The following ADAMTSL3 variants were observed in gnomAD, a reference collection of about 807,000 sequenced individuals.
ADAMTSL3 encodes the protein ADAMTS-like protein 3.
A neutral mutation model predicts 201.7 loss-of-function variants in ADAMTSL3; 128 were observed. That is an observed-to-expected ratio of 0.63 (90% confidence interval 0.55 to 0.73). The LOEUF is 0.73. ADAMTSL3 is among the 30% of genes least tolerant of loss of function. The pLI, the probability that ADAMTSL3 is intolerant of heterozygous loss-of-function variation, is 0.00. For synonymous variants in ADAMTSL3, 738 were observed against 748.4 expected, an observed-to-expected ratio of 0.99 and a Z score of 0.23; for missense variants, 1,990 against 2,119.6, an observed-to-expected ratio of 0.94 and a Z score of 1.20.
rs144731081 is a variant in ADAMTSL3 at position 83,676,534 on chromosome 15, C to T, written c.69+20704C>T. Among the ~76,000 whole-genome samples the T allele has an allele frequency of 9.9e-3, 1,502 of 152,112 alleles. 8 individuals carry two copies. Among genetic ancestry groups the T allele is most frequent in the Non-Finnish European group, 0.012 (782 of 67,998 alleles). ...TCTGCTAAAAATACAAAAAATTAGC[C>T]GGGCTTGGTGGTGGGCGCCTGTAGT... On this transcript the variant is annotated intron_variant, in intron 2 of 29. Coordinates refer to ENST00000286744, the MANE Select transcript of ADAMTSL3 (RefSeq NM_207517.3).
At chr15:83,709,636 A>G (rs551043690) in intron 3 of ADAMTSL3, among the ~76,000 whole-genome samples, 1 of 152,230 alleles carries the variant, frequency 6.6e-6, no homozygotes, top group South Asian at 2.1e-4. Flanking sequence ...CCTTGCTTCA[A>G]CTCACTGAAG....
Position 83,983,611 on chromosome 15 carries a change from C to A in ADAMTSL3, c.3716+267C>A, listed in dbSNP as rs566393224. Among the ~76,000 whole-genome samples, 369 of 152,312 alleles carry A rather than the reference C, an allele frequency of 2.4e-3. 1 individual carries two copies. The highest frequency in any genetic ancestry group is 8.4e-3 in the African/African-American group (350 of 41,566). On this transcript the variant is annotated intron_variant, in intron 21 of 29. Coordinates refer to ENST00000286744, the MANE Select transcript of ADAMTSL3 (RefSeq NM_207517.3). The stretch of plus-strand genomic sequence containing the variant: ...AAGTTTAAGCATATATACACTCCCC[C>A]TTTACTCAGCACTTGGCATTTAAAA...
At chr15:84,018,809 A>G (rs2068138027) in intron 25 of ADAMTSL3, among the ~76,000 whole-genome samples, 1 of 152,192 alleles carries the variant, frequency 6.6e-6, no homozygotes, top group South Asian at 2.1e-4. Flanking sequence ...GAGGAGTCTT[A>G]TATGGTAGTG....
chr15:83,921,498 C>T (rs2066142143), intron 16 of ADAMTSL3, among the ~76,000 whole-genome samples: 1 of 152,106 alleles, frequency 6.6e-6, no homozygotes, highest in African/African-American at 2.4e-5. Context: ...TCCTGGTATT[C>T]TTACACTATG....
intron 17 of ADAMTSL3, among the ~76,000 whole-genome samples, chr15:83,926,290 G>A (rs1288784219): frequency 6.6e-6 from 1 of 152,182 alleles, no homozygotes; most frequent in African/African-American, 2.4e-5. Context: ...AAGGAAATCA[G>A]TGTGTCATCA....
chr15:83,892,109 G>A (rs1004385964), intron 12 of ADAMTSL3, among the ~76,000 whole-genome samples: 2 of 152,036 alleles, frequency 1.3e-5, no homozygotes, highest in Admixed American at 6.6e-5. Flanking sequence ...CCAGCTACTT[G>A]AGAGGCTGAA....
At chr15:83,797,054 G>T (rs1240423624) in intron 4 of ADAMTSL3, among the ~76,000 whole-genome samples, 1 of 151,904 alleles carries the variant, frequency 6.6e-6, no homozygotes, top group African/African-American at 2.4e-5. Flanking sequence ...ATAAATTCAA[G>T]CACAATAAAA....
intron 6 of ADAMTSL3, among the ~76,000 whole-genome samples, chr15:83,833,641 T>G (rs1036288922): frequency 2.0e-5 from 3 of 152,210 alleles, no homozygotes; most frequent in Admixed American, 2.0e-4. Context: ...CTTTTTATAT[T>G]GGTACAAGTG....
At chr15:83,854,710 T>TA (rs1244977557) in intron 7 of ADAMTSL3, among the ~76,000 whole-genome samples, 1 of 152,248 alleles carries the variant, frequency 6.6e-6, no homozygotes, top group African/African-American at 2.4e-5. Flanking sequence ...TTTCTAATTC[T>TA]ATCATTCCTT....
intron 8 of ADAMTSL3, among the ~76,000 whole-genome samples, chr15:83,861,158 C>T (rs1304363959): frequency 1.3e-5 from 2 of 151,780 alleles, no homozygotes; most frequent in African/African-American, 2.4e-5. Context: ...TCTGTAGACT[C>T]CACCTACTCC....
At chr15:83,902,051 A>T (rs1686154575) in intron 15 of ADAMTSL3, among the ~76,000 whole-genome samples, 1 of 152,120 alleles carries the variant, frequency 6.6e-6, no homozygotes, top group African/African-American at 2.4e-5. Context: ...TTCTTCTCTG[A>T]TGTGTAATTA....
intron 2 of ADAMTSL3, among the ~76,000 whole-genome samples, chr15:83,686,374 A>G (rs1335404439): frequency 6.6e-6 from 1 of 152,216 alleles, no homozygotes; most frequent in African/African-American, 2.4e-5. Context: ...ATATAGTCAC[A>G]CTTTGAATTA....
At chr15:83,844,507 T>G (rs2064454558) in intron 7 of ADAMTSL3, among the ~76,000 whole-genome samples, 1 of 152,254 alleles carries the variant, frequency 6.6e-6, no homozygotes, top group Non-Finnish European at 1.5e-5. Context: ...CATCTCTTTC[T>G]ACCTCCACAT....
chr15:83,671,389 C>T (rs1162747682), intron 2 of ADAMTSL3, among the ~76,000 whole-genome samples: 3 of 152,106 alleles, frequency 2.0e-5, no homozygotes, highest in Admixed American at 6.5e-5. Context: ...CCAATTTGAT[C>T]AATATAAAAT....
At chr15:83,994,707 C>G (rs1360342862) in intron 23 of ADAMTSL3, among the ~76,000 whole-genome samples, 1 of 145,872 alleles carries the variant, frequency 6.9e-6, no homozygotes, top group Non-Finnish European at 1.5e-5. Flanking sequence ...AACGATTCTC[C>G]TACCTCAGCC....
chr15:84,025,563 G>A (rs1430079790), intron 27 of ADAMTSL3, 127 bp downstream of exon 27: 6 of 863,214 alleles, frequency 7.0e-6, no homozygotes, highest in Non-Finnish European at 1.1e-5. Context: ...TCTCTGAAAT[G>A]AATGTATGTC....
At chr15:83,729,547 G>T (rs1025611661) in intron 3 of ADAMTSL3, among the ~76,000 whole-genome samples, 1 of 151,522 alleles carries the variant, frequency 6.6e-6, no homozygotes, top group African/African-American at 2.4e-5. Context: ...GGATTCTGAT[G>T]CATTCTTCTA....
intron 15 of ADAMTSL3, among the ~76,000 whole-genome samples, chr15:83,908,787 G>C (rs888786211): frequency 2.2e-4 from 34 of 152,326 alleles, no homozygotes; most frequent in Admixed American, 2.2e-3. Flanking sequence ...CAACACAAAT[G>C]TATTATCCCA....
Position 84,037,853 on chromosome 15 carries a change from T to C in ADAMTSL3, c.*47T>C, listed in dbSNP as rs2141953570. The C allele has an allele frequency of 6.4e-7, 1 of 1,567,172 alleles. No individual in the cohort carries two copies. The highest frequency in any genetic ancestry group is 2.3e-5 in the East Asian group (1 of 44,330). On this transcript the variant is annotated 3_prime_UTR_variant, in exon 30 of 30. Transcript: ENST00000286744. Reference sequence around the variant, plus strand: ...CTGCTGTGAAGATAAAAGTAGAATATAAAAGCTCTTTTCCCCATGTCGCTG... The same window carrying C: ...CTGCTGTGAAGATAAAAGTAGAATACAAAAGCTCTTTTCCCCATGTCGCTG...
Sources: gnomAD v4.1 joint callset for allele counts (sites outside exome capture counted in the v4.1 genomes callset) on GRCh38, gnomAD v4.1.1 for gene constraint, MANE v1.5 for transcripts, NCBI Gene and HGNC (gene_info 2026-07-23, HGNC 2026-07-21) for gene names.